Variants in DCDC1 observed in about 807,000 individuals in gnomAD.
DCDC1 encodes doublecortin domain containing 1.
DCDC1 carries 200 observed loss-of-function variants against 178.3 expected under a neutral mutation model. The observed-to-expected ratio is 1.12, with a 90% CI of 1.00 to 1.26. The LOEUF is 1.26. Among genes scored for constraint, DCDC1 ranks in the 50% most tolerant of loss-of-function variants. The pLI, the probability that DCDC1 is intolerant of heterozygous loss-of-function variation, is 0.00. For missense variants in DCDC1, 1,983 were observed against 1,749.2 expected, an observed-to-expected ratio of 1.13 and a Z score of -2.38; for synonymous variants, 690 against 604.8, an observed-to-expected ratio of 1.14 and a Z score of -2.07.
intron 1 of DCDC1, among the ~76,000 whole-genome samples, chr11:31,346,480 A>G (rs1218903284): frequency 3.3e-5 from 5 of 151,304 alleles, no homozygotes; most frequent in Non-Finnish European, 7.4e-5. Context: ...AAAAAAAAAA[A>G]AAAAAAAAGA....
At chr11:31,274,654 C>A (rs1051584761) in intron 7 of DCDC1, among the ~76,000 whole-genome samples, 3 of 151,610 alleles carry the variant, frequency 2.0e-5, no homozygotes, top group Non-Finnish European at 2.9e-5. Context: ...TTCCTTATGC[C>A]ACCTACTCCA....
intron 37 of DCDC1, among the ~76,000 whole-genome samples, chr11:30,879,740 C>T (rs1416900322): frequency 6.6e-6 from 1 of 152,078 alleles, no homozygotes. Context: ...TTTTCTCTTC[C>T]AGTCACAGTT....
chr11:30,987,336 G>A (rs556715993), intron 20 of DCDC1, among the ~76,000 whole-genome samples: 21 of 152,094 alleles, frequency 1.4e-4, no homozygotes, highest in Non-Finnish European at 3.1e-4. Context: ...GTTTTTAAGG[G>A]AGAGAAAACC....
chr11:31,082,910 C>T (rs1957272800), intron 17 of DCDC1, among the ~76,000 whole-genome samples: 4 of 152,162 alleles, frequency 2.6e-5, no homozygotes, highest in Admixed American at 2.6e-4. Flanking sequence ...TAATTCATAA[C>T]ATAGTAAGAA....
chr11:30,972,401 C>A (rs1949853432), intron 20 of DCDC1, among the ~76,000 whole-genome samples: 2 of 152,114 alleles, frequency 1.3e-5, no homozygotes, highest in South Asian at 2.1e-4. Flanking sequence ...GAAATAAAGT[C>A]TTTCTCAGAA....
intron 9 of DCDC1, among the ~76,000 whole-genome samples, chr11:31,187,698 A>G (rs1186714566): frequency 1.3e-5 from 2 of 152,234 alleles, no homozygotes; most frequent in African/African-American, 4.8e-5. Flanking sequence ...AACACTAGTT[A>G]GGAAATCAAA....
chr11:30,894,107 T>C, intron 35 of DCDC1, 141 bp downstream of exon 35: 1 of 1,178,328 alleles, frequency 8.5e-7, no homozygotes, highest in Non-Finnish European at 1.1e-6. Flanking sequence ...GCCAACTCAA[T>C]GCTTGGCATA....
intron 21 of DCDC1, chr11:30,943,936 A>G (rs1947831470): frequency 8.1e-6 from 2 of 247,570 alleles, no homozygotes; most frequent in South Asian, 1.0e-4. Flanking sequence ...CCATATTTCT[A>G]TATTGTTCAT....
intron 38 of DCDC1, among the ~76,000 whole-genome samples, chr11:30,870,537 C>G (rs1295666621): frequency 6.6e-6 from 1 of 152,112 alleles, no homozygotes; most frequent in Non-Finnish European, 1.5e-5. Flanking sequence ...ATCAAAATGA[C>G]TACATTAAAC....
intron 3 of DCDC1, among the ~76,000 whole-genome samples, chr11:31,326,625 T>C (rs1250681134): frequency 6.6e-6 from 1 of 152,206 alleles, no homozygotes; most frequent in Non-Finnish European, 1.5e-5. Flanking sequence ...AAAGCTGCAC[T>C]GTATAAAGGA....
intron 9 of DCDC1, among the ~76,000 whole-genome samples, chr11:31,171,139 T>C (rs208088): frequency 0.3 from 45,555 of 152,048 alleles, 8,304 homozygotes; most frequent in East Asian, 0.63. Flanking sequence ...AAAATCAGCA[T>C]TTTGATGTGA....
intron 1 of DCDC1, among the ~76,000 whole-genome samples, chr11:31,355,757 C>A (rs890936103): frequency 2.0e-5 from 3 of 151,924 alleles, no homozygotes; most frequent in Non-Finnish European, 4.4e-5. Context: ...TTAGTAGAGA[C>A]AGGGTTTCAC....
Position 30,900,358 on chromosome 11 carries a change from GA to G in DCDC1, c.4650del (p.Leu1551TyrfsTer12), listed in dbSNP as rs1944568618. On this transcript the variant is annotated frameshift_variant, in exon 33 of 39. Transcript: ENST00000684477. LOFTEE classifies it high-confidence loss of function. ...IAIWVSCGEP[F>X]LPPNALQKAE... ...ACAAAAAAGTTACCATTTGGAGGTAGAAATGGTTCACCACAAGACACCCAGA... is the reference window on the plus strand; with the variant it reads ...ACAAAAAAGTTACCATTTGGAGGTAGAATGGTTCACCACAAGACACCCAGA... 5.2e-6 allele frequency: 8 copies of G among 1,536,814 alleles called. No individual in the cohort carries two copies. In the Admixed American group the frequency reaches 1.6e-4, roughly 31 times the overall value.
intron 20 of DCDC1, among the ~76,000 whole-genome samples, chr11:31,036,415 T>C (rs1197988210): frequency 6.6e-6 from 1 of 152,198 alleles, no homozygotes; most frequent in Non-Finnish European, 1.5e-5. Context: ...ATCATCAGTA[T>C]CATTTTGAAA....
intron 20 of DCDC1, among the ~76,000 whole-genome samples, chr11:30,962,147 T>C (rs1949138786): frequency 6.6e-6 from 1 of 152,070 alleles, no homozygotes; most frequent in African/African-American, 2.4e-5. Flanking sequence ...TTCATCCTAA[T>C]AGAAACAAGA....
chr11:30,924,346 T>C (rs1946460757), intron 23 of DCDC1, among the ~76,000 whole-genome samples: 2 of 152,190 alleles, frequency 1.3e-5, no homozygotes, highest in African/African-American at 4.8e-5. Context: ...CCATTGATAC[T>C]TCTGTTTAAG....
At chr11:30,967,814 T>C (rs1415508676) in intron 20 of DCDC1, among the ~76,000 whole-genome samples, 1 of 152,098 alleles carries the variant, frequency 6.6e-6, no homozygotes, top group East Asian at 1.9e-4. Context: ...TCAATCAAAG[T>C]TCTTAGGAAA....
intron 20 of DCDC1, among the ~76,000 whole-genome samples, chr11:30,962,724 G>A (rs1339765318): frequency 6.6e-6 from 1 of 151,958 alleles, no homozygotes; most frequent in African/African-American, 2.4e-5. Flanking sequence ...TTGGAAGTTC[G>A]CTTTTAACAT....
chr11:31,142,904 T>C (rs1964002706), intron 9 of DCDC1, among the ~76,000 whole-genome samples: 1 of 152,158 alleles, frequency 6.6e-6, no homozygotes, highest in Non-Finnish European at 1.5e-5. Flanking sequence ...AAATTGTAGC[T>C]GTGGGCAAGG....
Sources: allele counts gnomAD v4.1 joint callset (sites outside exome capture counted in the v4.1 genomes callset), GRCh38; gene constraint gnomAD v4.1.1; transcripts MANE v1.5; gene names NCBI Gene and HGNC (gene_info 2026-07-23, HGNC 2026-07-21).